The following AJAP1 variants were observed in gnomAD, a reference collection of about 807,000 sequenced individuals.
AJAP1 encodes the protein adherens junction-associated protein 1.
Under a neutral mutation model 35.0 loss-of-function variants are expected in AJAP1, and 5 were observed. The ratio of observed to expected loss-of-function variants is 0.14; its 90% confidence interval spans 0.07 to 0.30. The LOEUF is 0.30. AJAP1 is among the 10% of genes least tolerant of loss of function. The probability of loss-of-function intolerance (pLI) is 1.00; values close to 1 mark genes in which losing one functional copy is unlikely to be tolerated. For synonymous variants in AJAP1, 284 were observed against 249.3 expected (o/e 1.14, Z -1.31); for missense variants, 586 against 571.0 (o/e 1.03, Z -0.27).
chr1:4,735,678 C>T (rs1640905453), intron 2 of AJAP1, among the ~76,000 whole-genome samples: 2 of 152,196 alleles, frequency 1.3e-5, no homozygotes, highest in African/African-American at 4.8e-5. Context: ...GTGAGCTCCT[C>T]CCTGCTCCTC....
At chr1:4,772,869 TA>T (rs1265516811) in intron 4 of AJAP1, among the ~76,000 whole-genome samples, 1 of 152,144 alleles carries the variant, frequency 6.6e-6, no homozygotes, top group Admixed American at 6.5e-5. Context: ...ATTGGCCTCC[TA>T]AATATCAACA....
At chr1:4,671,744 A>AT (rs1171210435) in intron 1 of AJAP1, among the ~76,000 whole-genome samples, 1 of 152,148 alleles carries the variant, frequency 6.6e-6, no homozygotes, top group Non-Finnish European at 1.5e-5. Context: ...TAGGCCCATT[A>AT]TTTTTCCTGC....
intron 1 of AJAP1, among the ~76,000 whole-genome samples, chr1:4,710,118 A>T (rs935638977): frequency 6.6e-6 from 1 of 151,862 alleles, no homozygotes; most frequent in Non-Finnish European, 1.5e-5. Flanking sequence ...TCACACAGGG[A>T]CACACAGATA....
At chr1:4,716,337 C>T (rs138856746) in intron 2 of AJAP1, among the ~76,000 whole-genome samples, 3 of 152,352 alleles carry the variant, frequency 2.0e-5, no homozygotes, top group African/African-American at 7.2e-5. Context: ...TACATTTGGG[C>T]AACTTGCTTG....
At chr1:4,749,549 C>T (rs1473240333) in intron 2 of AJAP1, among the ~76,000 whole-genome samples, 5 of 152,154 alleles carry the variant, frequency 3.3e-5, no homozygotes, top group South Asian at 2.1e-4. Context: ...CAGCCCTCCA[C>T]GGACGTGGGG....
chr1:4,736,384 G>A (rs1191460725), intron 2 of AJAP1, among the ~76,000 whole-genome samples: 5 of 152,246 alleles, frequency 3.3e-5, no homozygotes, highest in Middle Eastern at 3.4e-3. Context: ...CCTTTCCCAC[G>A]GTCTTGGCTC....
At chr1:4,705,462 T>C (rs911103458) in intron 1 of AJAP1, among the ~76,000 whole-genome samples, 1 of 137,016 alleles carries the variant, frequency 7.3e-6, no homozygotes, top group Non-Finnish European at 1.6e-5. Context: ...AGAATGTGCA[T>C]TGTGCTTAGT....
chr1:4,730,326 A>G (rs534505651), intron 2 of AJAP1, among the ~76,000 whole-genome samples: 1 of 152,338 alleles, frequency 6.6e-6, no homozygotes, highest in East Asian at 1.9e-4. Flanking sequence ...ACAAAATAGC[A>G]CACAGACACT....
Position 4,655,574 on chromosome 1 carries a change from A to G in AJAP1, c.29+120A>G. ...CCTCTTCGCTTCCCGCAAGCGGGCA[A>G]CGGGGTGCACCGGTAGCCGGAAAGG... On this transcript the variant is annotated intron_variant, in intron 1 of 5. Transcript: ENST00000378191. This position sits in a 1 kb window ranked among gnomAD's most constrained non-coding sequence, Gnocchi z 6.9. 7.8e-7 allele frequency: 1 copy of G among 1,279,860 alleles called. No individual in the cohort carries two copies. The highest frequency in any genetic ancestry group is 1.1e-6 in the Non-Finnish European group (1 of 944,256). The allele number at this position is 1,279,860 out of a possible 1,614,324, so 79.3% of individuals were successfully genotyped here.
intron 1 of AJAP1, among the ~76,000 whole-genome samples, chr1:4,698,979 G>A (rs962807671): frequency 7.2e-5 from 11 of 152,130 alleles, no homozygotes; most frequent in Admixed American, 1.3e-4. Context: ...CTGGTTCCCC[G>A]GTGCACCTGC....
Position 4,785,663 on chromosome 1 carries a change from C to T in AJAP1, c.*3178C>T, listed in dbSNP as rs1046550066. 6.6e-6 allele frequency: 1 copy of T among 152,180 alleles called. No individual in the cohort carries two copies. Among genetic ancestry groups the T allele is most frequent in the Non-Finnish European group, 1.5e-5 (1 of 68,066 alleles). 9.4% of individuals were successfully genotyped at this position (152,180 alleles called of 1,614,324 possible). The stretch of plus-strand genomic sequence containing the variant: ...TGCAGCCTTGGGGCAGTGTTTCAAG[C>T]TAGTTGGTGTCCTCTTTCCTCTGCT... On this transcript the variant is annotated 3_prime_UTR_variant, in exon 6 of 6. Coordinates refer to ENST00000378191, the MANE Select transcript of AJAP1 (RefSeq NM_018836.4).
At position 4,791,650 on chromosome 1, in the gene AJAP1, C is replaced by T. The variant is rs540871897; in HGVS notation, c.*9165C>T. 1 of 152,204 alleles carries T rather than the reference C, an allele frequency of 6.6e-6. No individual in the cohort carries two copies. The highest frequency in any genetic ancestry group is 1.5e-5 in the Non-Finnish European group (1 of 68,048). 9.4% of individuals were successfully genotyped at this position (152,204 alleles called of 1,614,324 possible). A position where few individuals can be genotyped will look rare whatever the true frequency, so the allele number is the denominator to read the frequency against. On this transcript the variant is annotated 3_prime_UTR_variant, in exon 6 of 6. Transcript: ENST00000378191. ...GGTGGTCAACCATTTGGATGTTTGA[C>T]TTTCACAACATCAAGCATTGGCCAT...
chr1:4,702,083 C>T (rs1570129877), intron 1 of AJAP1, among the ~76,000 whole-genome samples: 1 of 152,188 alleles, frequency 6.6e-6, no homozygotes, highest in Non-Finnish European at 1.5e-5. Flanking sequence ...CCCCAGTGTT[C>T]TCATGTGTCC....
intron 2 of AJAP1, among the ~76,000 whole-genome samples, chr1:4,737,920 A>ACCAAAT (rs1384121837): frequency 6.6e-6 from 1 of 151,984 alleles, no homozygotes; most frequent in East Asian, 1.9e-4. Flanking sequence ...CAAAACCAAA[A>ACCAAAT]CCAAAACCAA....
rs1027084324 is a variant in AJAP1 at position 4,720,074 on chromosome 1, G to GA, written c.829+7381dup. On this transcript the variant is annotated intron_variant, in intron 2 of 5. Coordinates refer to ENST00000378191, the MANE Select transcript of AJAP1 (RefSeq NM_018836.4). This position sits in a 1 kb window ranked among gnomAD's most constrained non-coding sequence, Gnocchi z 4.4. ...GGCTGCCCTGTGAATCCTGCTGGTA[G>GA]AAAAAACATCACCCGCATCTTTGCA... 6.6e-6 allele frequency among the ~76,000 whole-genome samples: 1 copy of GA among 152,176 alleles called. No individual in the cohort carries two copies. Among genetic ancestry groups the GA allele is most frequent in the African/African-American group, 2.4e-5 (1 of 41,430 alleles).
chr1:4,701,275 C>T (rs937415056), intron 1 of AJAP1, among the ~76,000 whole-genome samples: 3 of 152,242 alleles, frequency 2.0e-5, no homozygotes, highest in Admixed American at 2.0e-4. Context: ...TAGTCTCCCG[C>T]ACACCCCTGC....
chr1:4,774,538 A>ACGC lies in AJAP1; in HGVS notation c.*42_*44dup. On this transcript the variant is annotated 3_prime_UTR_variant, in exon 5 of 6. Transcript: ENST00000378191. ...TTTTTACCTCCTGGGGGCAGGGCAG[A>ACGC]CGCCGTGTGTCTGTTTCACGGTAGG... is the stretch of plus-strand genomic sequence containing the variant. 1 of 1,590,008 alleles carries ACGC rather than the reference A, an allele frequency of 6.3e-7. No individual in the cohort carries two copies.
intron 1 of AJAP1, among the ~76,000 whole-genome samples, chr1:4,664,059 C>T (rs967651186): frequency 3.3e-5 from 5 of 152,178 alleles, no homozygotes; most frequent in Admixed American, 1.3e-4. Context: ...TATCTTAACT[C>T]ATTCCTACAT....
intron 2 of AJAP1, among the ~76,000 whole-genome samples, chr1:4,714,437 G>A (rs1640342097): frequency 6.6e-6 from 1 of 152,124 alleles, no homozygotes; most frequent in South Asian, 2.1e-4. Flanking sequence ...CTCCCTTACT[G>A]TCACCTCCTC....
Sources: gnomAD v4.1 joint callset for allele counts (sites outside exome capture counted in the v4.1 genomes callset) on GRCh38, gnomAD v4.1.1 for gene constraint, Gnocchi (gnomAD v3.1) non-coding constraint, MANE v1.5 for transcripts, NCBI Gene and HGNC (gene_info 2026-07-23, HGNC 2026-07-21) for gene names.